Variants in SOX6 observed in about 807,000 individuals in gnomAD.
The protein encoded by SOX6 is transcription factor SOX-6.
Under a neutral mutation model 97.8 loss-of-function variants are expected in SOX6, and 11 were observed. That is an observed-to-expected ratio of 0.11 (90% CI 0.07 to 0.19). The LOEUF (loss-of-function observed/expected upper bound fraction) is 0.19, where lower values mean the gene tolerates loss of function less well. SOX6 is among the 10% of genes least tolerant of loss of function. The pLI is 1.00. For missense variants in SOX6, 810 were observed against 1,039.5 expected (o/e 0.78, Z 3.04); for synonymous variants, 360 against 371.4 (o/e 0.97, Z 0.35).
In SOX6 at chr11:16,518,012, C is replaced by T. The variant is rs147218358; in HGVS notation, n.610-41624G>A. Among the ~76,000 whole-genome samples, 19 of 152,220 alleles carry T rather than the reference C, an allele frequency of 1.2e-4. No individual in the cohort carries two copies. In the East Asian group the frequency reaches 2.3e-3, roughly 19 times the overall value. ...TAATATCTTCTGTCTATTCATTGCT[C>T]GCCCCATCCATAATCTTTCCAGTTA... is the stretch of plus-strand genomic sequence containing the variant. On this transcript the variant is annotated intron_variant and non_coding_transcript_variant, in intron 4 of 5. Coordinates refer to the SOX6 transcript ENST00000524520.
chr11:16,617,560 A>G (rs1848486607), intron 3 of SOX6, among the ~76,000 whole-genome samples: 1 of 151,932 alleles, frequency 6.6e-6, no homozygotes, highest in Non-Finnish European at 1.5e-5. Flanking sequence ...AACTGCAACA[A>G]TATGTCATTT....
chr11:16,516,328 C>T (rs1393139311), intron 4 of SOX6, among the ~76,000 whole-genome samples: 1 of 152,128 alleles, frequency 6.6e-6, no homozygotes, highest in African/African-American at 2.4e-5. Flanking sequence ...TGGGAGTTCA[C>T]TCATGATTTG....
At chr11:16,240,475 C>T (rs2134184403) in intron 3 of SOX6, among the ~76,000 whole-genome samples, 1 of 152,106 alleles carries the variant, frequency 6.6e-6, no homozygotes, top group African/African-American at 2.4e-5. Flanking sequence ...CAATTTTTAT[C>T]TGCCAAATTC....
intron 4 of SOX6, among the ~76,000 whole-genome samples, chr11:16,495,355 A>T (rs563916328): frequency 7.2e-4 from 110 of 152,164 alleles, no homozygotes; most frequent in Non-Finnish European, 1.2e-3. Flanking sequence ...GCCCCCACCT[A>T]TCAAAACTAG....
At chr11:16,335,556 C>T (rs77905765) in intron 2 of SOX6, among the ~76,000 whole-genome samples, 3,053 of 152,244 alleles carry the variant, frequency 0.02, 96 homozygotes, top group African/African-American at 0.07. Context: ...TGCCTACTAT[C>T]TTAAATGACA....
intron 3 of SOX6, among the ~76,000 whole-genome samples, chr11:16,637,699 TG>T (rs1389921022): frequency 1.3e-5 from 2 of 151,990 alleles, no homozygotes; most frequent in Non-Finnish European, 2.9e-5. Flanking sequence ...AGAATGAGGG[TG>T]GGTATTCCAA....
chr11:16,556,776 G>A (rs1847753417), intron 4 of SOX6, among the ~76,000 whole-genome samples: 1 of 151,610 alleles, frequency 6.6e-6, no homozygotes, highest in Non-Finnish European at 1.5e-5. Flanking sequence ...ATATAATAAA[G>A]AGCATGAAAA....
chr11:16,217,942 T>C (rs1260847931), intron 4 of SOX6, among the ~76,000 whole-genome samples: 1 of 152,094 alleles, frequency 6.6e-6, no homozygotes, highest in African/African-American at 2.4e-5. Context: ...TAAAACATGG[T>C]GAAGTCGCCT....
intron 3 of SOX6, among the ~76,000 whole-genome samples, chr11:16,622,994 T>C (rs1848567085): frequency 6.6e-6 from 1 of 152,164 alleles, no homozygotes; most frequent in Admixed American, 6.5e-5. Context: ...ATTGTGGTTT[T>C]GATTTACATT....
intron 3 of SOX6, among the ~76,000 whole-genome samples, chr11:16,295,015 A>G (rs551015832): frequency 1.5e-4 from 23 of 152,088 alleles, no homozygotes; most frequent in Admixed American, 4.6e-4. Context: ...TTCCCAATCA[A>G]CTCTTCACAA....
At chr11:16,150,890 A>G (rs895843674) in intron 6 of SOX6, among the ~76,000 whole-genome samples, 2 of 152,172 alleles carry the variant, frequency 1.3e-5, no homozygotes, top group African/African-American at 4.8e-5. Flanking sequence ...AGCAAAAGCC[A>G]CTAAATGAAA....
intron 13 of SOX6, among the ~76,000 whole-genome samples, chr11:16,010,305 C>G (rs1430941160): frequency 6.6e-6 from 1 of 151,982 alleles, no homozygotes; most frequent in Admixed American, 6.6e-5. Context: ...GTACACATAT[C>G]TATTTCCATT....
At chr11:16,302,822 G>A (rs889652227) in intron 3 of SOX6, among the ~76,000 whole-genome samples, 32 of 151,698 alleles carry the variant, frequency 2.1e-4, no homozygotes, top group African/African-American at 7.0e-4. Context: ...CACCTGCCTC[G>A]GTCTCCCAAA....
chr11:16,373,841 A>G (rs1327128888), intron 1 of SOX6, among the ~76,000 whole-genome samples: 1 of 10,138 alleles, frequency 9.9e-5, no homozygotes, highest in Non-Finnish European at 2.3e-4. Flanking sequence ...GGAAGGAAGG[A>G]AGGAAGGAAG....
chr11:16,389,609 A>C lies in SOX6; in HGVS notation c.-4-48357T>G, dbSNP rs1303901157. Among the ~76,000 whole-genome samples, 5 of 151,508 alleles carry C rather than the reference A, an allele frequency of 3.3e-5. No individual in the cohort carries two copies. The East Asian group carries it at 9.7e-4, about 29-fold the overall frequency. Reference sequence around the variant, plus strand: ...TGAGCAATTTTGGATTATATCTTAGACATTGTGACCACTATGCTGTGGAGA... The same window carrying C: ...TGAGCAATTTTGGATTATATCTTAGCCATTGTGACCACTATGCTGTGGAGA... On this transcript the variant is annotated intron_variant, in intron 1 of 15. Coordinates refer to the SOX6 transcript ENST00000396356.
chr11:16,453,632 C>T (rs986980643), intron 1 of SOX6, among the ~76,000 whole-genome samples: 6 of 152,184 alleles, frequency 3.9e-5, no homozygotes, highest in South Asian at 2.1e-4. Context: ...TTTCCTATGT[C>T]GGGCACTAGT....
intron 6 of SOX6, among the ~76,000 whole-genome samples, chr11:16,143,401 C>T (rs1850200991): frequency 6.6e-6 from 1 of 152,134 alleles, no homozygotes. Context: ...AAAAACATGC[C>T]AAATTGTAAA....
intron 3 of SOX6, among the ~76,000 whole-genome samples, chr11:16,248,613 T>A (rs1853411085): frequency 6.6e-6 from 1 of 152,238 alleles, no homozygotes; most frequent in East Asian, 1.9e-4. Context: ...TTGCCCCTTG[T>A]AGCCACAGCA....
chr11:16,689,064 CT>C (rs1478106107), intron 3 of SOX6, among the ~76,000 whole-genome samples: 1 of 152,134 alleles, frequency 6.6e-6, no homozygotes, highest in East Asian at 1.9e-4. Flanking sequence ...TATTTTTCTA[CT>C]CTAGCTGGTA....
Sources: gnomAD v4.1 joint callset for allele counts (sites outside exome capture counted in the v4.1 genomes callset) on GRCh38, gnomAD v4.1.1 for gene constraint, MANE v1.5 for transcripts, NCBI Gene and HGNC (gene_info 2026-07-23, HGNC 2026-07-21) for gene names.